Variants in ZNF790 observed in about 807,000 individuals in gnomAD.
ZNF790 encodes the protein zinc finger protein 790.
In ZNF790, 8 loss-of-function variants were observed where a neutral mutation model predicts 12.1. That is an observed-to-expected ratio of 0.66 (90% CI 0.39 to 1.19). ZNF790 has a LOEUF of 1.19. Among genes scored for constraint, ZNF790 ranks in the 50% most tolerant of loss-of-function variants. ZNF790 has a pLI of 0.01. For synonymous variants in ZNF790, 252 were observed against 244.3 expected, an observed-to-expected ratio of 1.03 and a Z score of -0.29; for missense variants, 707 against 752.2, an observed-to-expected ratio of 0.94 and a Z score of 0.70.
At chr19:36,847,277 G>A (rs1031664696) in intron 1 of ZNF790, among the ~76,000 whole-genome samples, 8 of 151,676 alleles carry the variant, frequency 5.3e-5, no homozygotes, top group African/African-American at 1.9e-4. Context: ...CTTGAACCCG[G>A]GAGGCAGTGG....
intron 1 of ZNF790, among the ~76,000 whole-genome samples, chr19:36,845,047 CAAAAAA>C (rs10611049): frequency 0.021 from 718 of 34,824 alleles, 2 homozygotes; most frequent in Middle Eastern, 0.11. Flanking sequence ...GACTCCGTCT[CAAAAAA>C]AAAAAAAAAA....
At chr19:36,833,943 A>G (rs1399334470) in intron 1 of ZNF790, among the ~76,000 whole-genome samples, 1 of 152,230 alleles carries the variant, frequency 6.6e-6, no homozygotes, top group Non-Finnish European at 1.5e-5. Flanking sequence ...ATTTTTGTTC[A>G]TCAGAAAAGA....
chr19:36,834,355 G>T (rs1326921752), intron 1 of ZNF790, among the ~76,000 whole-genome samples: 3 of 148,828 alleles, frequency 2.0e-5, no homozygotes, highest in Admixed American at 6.7e-5. Flanking sequence ...ATTATACAAA[G>T]AACTCTTAAG....
At chr19:36,841,845 T>C (rs1407045766), upstream of ZNF790, among the ~76,000 whole-genome samples, 2 of 115,260 alleles carry the variant, frequency 1.7e-5, no homozygotes, top group African/African-American at 6.7e-5. Context: ...CAAGACTCCA[T>C]CTCGGGGTGG....
chr19:36,820,891 T>TG (rs746134106), intron 4 of ZNF790, among the ~76,000 whole-genome samples: 22,455 of 132,978 alleles, frequency 0.17, 1,870 homozygotes, highest in Non-Finnish European at 0.2. Flanking sequence ...TGAGACCCTG[T>TG]CTTTTTTTTT....
intron 1 of ZNF790, among the ~76,000 whole-genome samples, chr19:36,846,028 C>T (rs768782460): frequency 2.6e-5 from 4 of 152,008 alleles, no homozygotes; most frequent in Non-Finnish European, 5.9e-5. Context: ...AGGATGATCT[C>T]GAACTCCTGA....
At chr19:36,835,653 G>T (rs190359800) in intron 1 of ZNF790, among the ~76,000 whole-genome samples, 4 of 152,252 alleles carry the variant, frequency 2.6e-5, no homozygotes, top group African/African-American at 9.6e-5. Flanking sequence ...TAGTTCAGTA[G>T]AAGTCTGAGT....
chr19:36,825,551 A>G (rs996858243), intron 2 of ZNF790, 60 bp downstream of exon 2: 6 of 1,546,862 alleles, frequency 3.9e-6, no homozygotes, highest in Non-Finnish European at 5.4e-6. Flanking sequence ...AGCAATAAAA[A>G]TATTCACATG....
Position 36,825,666 on chromosome 19 carries a change from G to A in ZNF790, c.-47C>T, listed in dbSNP as rs774186404. 5 of 1,607,492 alleles carry A rather than the reference G, an allele frequency of 3.1e-6. No individual in the cohort carries two copies. In the East Asian group the frequency reaches 8.9e-5, roughly 29 times the overall value. On this transcript the variant is annotated 5_prime_UTR_variant, in exon 2 of 5. Transcript: ENST00000356725. ...CAGTCCTTCTCTGGATTCTTTCTTG[G>A]TGAGGCAGCGTGCTGGGAAAGCAGA... is the stretch of plus-strand genomic sequence containing the variant.
chr19:36,827,182 T>TATATATATA (rs2071842069), intron 1 of ZNF790, among the ~76,000 whole-genome samples: 1 of 74,382 alleles, frequency 1.3e-5, no homozygotes, highest in African/African-American at 5.6e-5. Flanking sequence ...ATATATACAC[T>TATATATATA]TACCAAACTA....
chr19:36,845,068 A>AG (rs2072167209), intron 1 of ZNF790, among the ~76,000 whole-genome samples: 1 of 149,992 alleles, frequency 6.7e-6, no homozygotes, highest in Admixed American at 6.6e-5. Context: ...AAAAAAAAAA[A>AG]AAAAAAGAAA....
At chr19:36,827,119 C>G (rs1387937916) in intron 1 of ZNF790, among the ~76,000 whole-genome samples, 3 of 62,876 alleles carry the variant, frequency 4.8e-5, no homozygotes, top group African/African-American at 2.4e-4. Context: ...TATACACATA[C>G]ACACACACAC....
At chr19:36,840,916 G>A (rs1012556822), upstream of ZNF790, among the ~76,000 whole-genome samples, 6 of 152,296 alleles carry the variant, frequency 3.9e-5, 1 homozygote, top group Non-Finnish European at 7.3e-5. Context: ...GGAGCTTGAG[G>A]CTGCAGTGAA....
upstream of ZNF790, among the ~76,000 whole-genome samples, chr19:36,839,366 G>A (rs987139475): frequency 6.6e-6 from 1 of 152,112 alleles, no homozygotes; most frequent in Admixed American, 6.6e-5. Context: ...AAGAACAAAT[G>A]CCCATTCTAT....
upstream of ZNF790, among the ~76,000 whole-genome samples, chr19:36,839,495 G>A (rs1390315552): frequency 6.6e-6 from 1 of 152,076 alleles, no homozygotes; most frequent in Non-Finnish European, 1.5e-5. Flanking sequence ...CTGCCTCCCT[G>A]GCTCAAGTGA....
chr19:36,825,825 G>T, intron 1 of ZNF790, 133 bp from the exon 2 acceptor site: 1 of 619,466 alleles, frequency 1.6e-6, no homozygotes, highest in Admixed American at 2.9e-5. Context: ...AAACCAGAGA[G>T]ATTCAACAAA....
rs957484149 is a variant in ZNF790 at position 36,828,463 on chromosome 19, C to CA, written c.-73-2772dup. On this transcript the variant is annotated intron_variant, in intron 1 of 4. Transcript: ENST00000356725. ...GGGCAACAAGAGCAAAACCCCTTCT[C>CA]AAAAAAAAAAAAAAGGAAAAAAAAA... 6.2e-3 allele frequency among the ~76,000 whole-genome samples: 723 copies of CA among 116,584 alleles called. 3 individuals carry two copies. The highest frequency in any genetic ancestry group is 9.1e-3 in the Middle Eastern group (2 of 220). The allele number at this position is 116,584 out of a possible 152,430, so 76.5% of individuals were successfully genotyped here. A position where few individuals can be genotyped will look rare whatever the true frequency, so the allele number is the denominator to read the frequency against.
At position 36,818,287 on chromosome 19, in the gene ZNF790, TG is replaced by T. The variant is rs2071586934; in HGVS notation, c.*145del. On this transcript the variant is annotated 3_prime_UTR_variant, in exon 5 of 5. Transcript: ENST00000356725. ...GATTGCATGATGAATTCTCTGCTGC[TG>T]CTGCTGCTGCTGCTGCTGGATGTGT... 6.1e-6 allele frequency: 4 copies of T among 651,920 alleles called. No individual in the cohort carries two copies. The highest frequency in any genetic ancestry group is 4.0e-5 in the South Asian group (1 of 25,280). The allele number at this position is 651,920 out of a possible 1,614,324, so 40.4% of individuals were successfully genotyped here. A position where few individuals can be genotyped will look rare whatever the true frequency, so the allele number is the denominator to read the frequency against.
chr19:36,822,770 C>T (rs747913189), intron 4 of ZNF790, among the ~76,000 whole-genome samples: 2 of 151,480 alleles, frequency 1.3e-5, no homozygotes, highest in East Asian at 3.9e-4. Context: ...GAACTCCTGA[C>T]CTCAGGTGGA....
Sources: gnomAD v4.1 joint callset for allele counts (sites outside exome capture counted in the v4.1 genomes callset) on GRCh38, gnomAD v4.1.1 for gene constraint, MANE v1.5 for transcripts, NCBI Gene and HGNC (gene_info 2026-07-23, HGNC 2026-07-21) for gene names.